The following CADM2 variants were observed in gnomAD, a reference collection of about 807,000 sequenced individuals.
CADM2 encodes the protein cell adhesion molecule 2.
A neutral mutation model predicts 49.8 loss-of-function variants in CADM2; 12 were observed. The ratio of observed to expected loss-of-function variants is 0.24; its 90% CI spans 0.15 to 0.39. The LOEUF is 0.39. CADM2 is among the 10% of genes least tolerant of loss of function. CADM2 has a pLI of 1.00. For synonymous variants in CADM2, 214 were observed against 175.4 expected (o/e 1.22, Z -1.74); for missense variants, 378 against 492.3 (o/e 0.77, Z 2.20).
In CADM2 at chr3:85,233,653, G is replaced by A. The variant is rs532090223; in HGVS notation, c.61+273985G>A. Among the ~76,000 whole-genome samples the A allele has an allele frequency of 6.6e-5, 10 of 152,160 alleles. 1 individual carries two copies. The South Asian group carries it at 1.5e-3, about 22-fold the overall frequency. On this transcript the variant is annotated intron_variant, in intron 1 of 9. Transcript: ENST00000383699. ...TATGTATATTAGACAGCGTAGATGA[G>A]ATTTAATCAATTTTATTGAAATTGA... is the stretch of plus-strand genomic sequence containing the variant.
At chr3:85,381,996 A>G (rs540597031) in intron 1 of CADM2, among the ~76,000 whole-genome samples, 1 of 151,718 alleles carries the variant, frequency 6.6e-6, no homozygotes, top group Admixed American at 6.6e-5. Context: ...TTTTTTTTTA[A>G]TGTCATGACA....
intron 1 of CADM2, among the ~76,000 whole-genome samples, chr3:85,607,693 A>G (rs544567078): frequency 9.2e-5 from 14 of 151,624 alleles, no homozygotes; most frequent in Admixed American, 4.0e-4. Flanking sequence ...ATCTTGCTCT[A>G]TCACCCAGGC....
At position 85,666,706 on chromosome 3, in the gene CADM2, C is replaced by T. The variant is rs528087600; in HGVS notation, c.62-59816C>T. On this transcript the variant is annotated intron_variant, in intron 1 of 9. Transcript: ENST00000383699. Reference sequence around the variant, plus strand: ...CTTAGTATCTGTGTTGATTTTTCTTCCTTCGATATGGGACTGAACAACTGT... The same window carrying T: ...CTTAGTATCTGTGTTGATTTTTCTTTCTTCGATATGGGACTGAACAACTGT... Among the ~76,000 whole-genome samples, 8 of 73,588 alleles carry T rather than the reference C, an allele frequency of 1.1e-4. No individual in the cohort carries two copies. The South Asian group carries it at 3.8e-3, about 35-fold the overall frequency. The allele number at this position is 73,588 out of a possible 152,430, so 48.3% of individuals were successfully genotyped here. A position where few individuals can be genotyped will look rare whatever the true frequency, so the allele number is the denominator to read the frequency against.
At chr3:86,066,413 C>T (rs1262470806) in intron 9 of CADM2, among the ~76,000 whole-genome samples, 1 of 145,886 alleles carries the variant, frequency 6.9e-6, no homozygotes, top group Non-Finnish European at 1.5e-5. Context: ...TTGATTTTAT[C>T]CATCATTAAA....
chr3:86,029,986 C>G (rs1452802016), intron 8 of CADM2, among the ~76,000 whole-genome samples: 1 of 151,886 alleles, frequency 6.6e-6, no homozygotes, highest in Non-Finnish European at 1.5e-5. Flanking sequence ...CAAACACAAA[C>G]AATTTAATCT....
chr3:85,655,149 C>G (rs2065159209), intron 1 of CADM2, among the ~76,000 whole-genome samples: 1 of 136,896 alleles, frequency 7.3e-6, no homozygotes, highest in Admixed American at 8.2e-5. Flanking sequence ...AAACAGGAAT[C>G]CACCTTGGTA....
intron 1 of CADM2, among the ~76,000 whole-genome samples, chr3:85,260,917 G>C (rs1378387725): frequency 6.6e-6 from 1 of 152,128 alleles, no homozygotes; most frequent in Non-Finnish European, 1.5e-5. Context: ...AGTGGAGTTT[G>C]CAATCGGTTC....
At chr3:85,798,834 G>A (rs2071798601) in intron 2 of CADM2, among the ~76,000 whole-genome samples, 1 of 151,944 alleles carries the variant, frequency 6.6e-6, no homozygotes, top group Admixed American at 6.6e-5. Flanking sequence ...TGATGGGGAT[G>A]GCATTGAATC....
chr3:84,989,133 A>C (rs2032750823), intron 1 of CADM2, among the ~76,000 whole-genome samples: 1 of 152,180 alleles, frequency 6.6e-6, no homozygotes, highest in South Asian at 2.1e-4. Context: ...TATGAAAAAG[A>C]AGTGGGTGAT....
intron 1 of CADM2, among the ~76,000 whole-genome samples, chr3:85,243,631 C>G (rs115963358): frequency 3.4e-3 from 519 of 152,034 alleles, no homozygotes; most frequent in African/African-American, 0.012. Flanking sequence ...ATTAAGTGGT[C>G]CAGATGGAGT....
intron 1 of CADM2, among the ~76,000 whole-genome samples, chr3:85,229,327 GTA>G (rs1199412819): frequency 6.6e-6 from 1 of 152,168 alleles, no homozygotes; most frequent in Non-Finnish European, 1.5e-5. Context: ...GAAAAGTGCA[GTA>G]TCTGGGCAGG....
At chr3:85,660,958 A>G (rs1231502695) in intron 1 of CADM2, among the ~76,000 whole-genome samples, 1 of 151,918 alleles carries the variant, frequency 6.6e-6, no homozygotes, top group Non-Finnish European at 1.5e-5. Flanking sequence ...CTCAATTGTA[A>G]TTTTCATTTA....
chr3:85,155,703 T>C (rs373152207), intron 1 of CADM2, among the ~76,000 whole-genome samples: 8,472 of 151,648 alleles, frequency 0.056, 793 homozygotes, highest in African/African-American at 0.19. Context: ...AAGCTCTCCT[T>C]AGCAAATGTA....
intron 1 of CADM2, among the ~76,000 whole-genome samples, chr3:85,273,096 G>A (rs2043280036): frequency 6.7e-6 from 1 of 149,286 alleles, no homozygotes; most frequent in Non-Finnish European, 1.5e-5. Flanking sequence ...GAATACTGGG[G>A]AAAAAAAAAG....
At chr3:86,008,520 T>G (rs1245176217) in intron 8 of CADM2, among the ~76,000 whole-genome samples, 1 of 152,092 alleles carries the variant, frequency 6.6e-6, no homozygotes, top group Admixed American at 6.5e-5. Flanking sequence ...ACACCAAAAA[T>G]TTTTGATGCG....
chr3:85,622,663 A>G (rs1165052827), intron 1 of CADM2, among the ~76,000 whole-genome samples: 4 of 152,104 alleles, frequency 2.6e-5, no homozygotes, highest in Admixed American at 2.0e-4. Context: ...TATGGACTTT[A>G]TTACTTTTCA....
chr3:85,967,436 A>G (rs758887039), intron 8 of CADM2, among the ~76,000 whole-genome samples: 7 of 151,812 alleles, frequency 4.6e-5, no homozygotes, highest in Non-Finnish European at 8.8e-5. Context: ...AAAATAATAT[A>G]TATGTCAGTG....
intron 1 of CADM2, among the ~76,000 whole-genome samples, chr3:85,008,965 G>A (rs1411605004): frequency 6.6e-6 from 1 of 152,142 alleles, no homozygotes; most frequent in East Asian, 1.9e-4. Context: ...TCAGGGAAAA[G>A]TGAATATAAA....
chr3:85,567,152 G>T (rs17460464), intron 1 of CADM2, among the ~76,000 whole-genome samples: 31,434 of 152,054 alleles, frequency 0.21, 3,873 homozygotes, highest in East Asian at 0.3. Flanking sequence ...AATAAAATGG[G>T]TGGAGGGTTT....
Sources: allele counts gnomAD v4.1 joint callset (sites outside exome capture counted in the v4.1 genomes callset), GRCh38; gene constraint gnomAD v4.1.1; transcripts MANE v1.5; gene names NCBI Gene and HGNC (gene_info 2026-07-23, HGNC 2026-07-21).